CTNNA3: variants seen among roughly 807,000 people sequenced by gnomAD.
CTNNA3 encodes catenin alpha 3, also known as catenin alpha-3.
CTNNA3 carries 76 observed loss-of-function variants against 95.7 expected under a neutral mutation model. That is an observed-to-expected ratio of 0.79 (90% CI 0.66 to 0.96). CTNNA3 has a LOEUF of 0.96. CTNNA3 is among the 40% of genes least tolerant of loss of function. The pLI, the probability that CTNNA3 is intolerant of heterozygous loss-of-function variation, is 0.00. For synonymous variants in CTNNA3, 431 were observed against 374.4 expected (o/e 1.15, Z -1.74); for missense variants, 1,191 against 1,089.8 (o/e 1.09, Z -1.31).
chr10:65,996,617 C>T (rs2078666500), intron 15 of CTNNA3, among the ~76,000 whole-genome samples: 1 of 152,128 alleles, frequency 6.6e-6, no homozygotes, highest in South Asian at 2.1e-4. Flanking sequence ...TGGAGCGACG[C>T]CATTACACAC....
chr10:65,980,126 A>G (rs535836257), intron 16 of CTNNA3, among the ~76,000 whole-genome samples: 2 of 152,138 alleles, frequency 1.3e-5, no homozygotes, highest in African/African-American at 4.8e-5. Flanking sequence ...AAATTAAATT[A>G]GAACGAAATG....
At chr10:66,410,310 T>A (rs190595161) in intron 11 of CTNNA3, among the ~76,000 whole-genome samples, 72 of 152,300 alleles carry the variant, frequency 4.7e-4, no homozygotes, top group Non-Finnish European at 8.8e-5. Context: ...AGTATTCTAA[T>A]CTTCAGATAG....
At chr10:67,563,996 G>A (rs1442763533) in intron 3 of CTNNA3, among the ~76,000 whole-genome samples, 3 of 148,942 alleles carry the variant, frequency 2.0e-5, no homozygotes, top group Admixed American at 2.0e-4. Context: ...GGAAACAACA[G>A]GTGCTGGAGA....
intron 3 of CTNNA3, among the ~76,000 whole-genome samples, chr10:67,586,162 T>G (rs1842618578): frequency 6.6e-6 from 1 of 152,240 alleles, no homozygotes; most frequent in Admixed American, 6.5e-5. Context: ...GATTTCTAGT[T>G]CTATTCCACT....
chr10:66,104,174 A>T (rs942553640), intron 13 of CTNNA3, among the ~76,000 whole-genome samples: 2 of 152,172 alleles, frequency 1.3e-5, no homozygotes, highest in Non-Finnish European at 2.9e-5. Flanking sequence ...ATTTCAGCTT[A>T]AATGCCTCTT....
At chr10:67,289,917 A>G (rs546283775) in intron 5 of CTNNA3, among the ~76,000 whole-genome samples, 10 of 151,926 alleles carry the variant, frequency 6.6e-5, no homozygotes, top group Non-Finnish European at 2.9e-5. Context: ...TTCCCACCTC[A>G]GCCTCCCAAC....
chr10:67,683,883 T>C lies in CTNNA3; in HGVS notation c.-6+12117A>G, dbSNP rs1367222858. Among the ~76,000 whole-genome samples, 5 of 152,190 alleles carry C rather than the reference T, an allele frequency of 3.3e-5. No homozygotes were observed. In the East Asian group the frequency reaches 9.6e-4, roughly 29 times the overall value. ...AAGGCGGCATATCCGGAGTGGTTTGTTCCTCCCGATGGGTTCACGGTCTCG... is the reference window on the plus strand; with the variant it reads ...AAGGCGGCATATCCGGAGTGGTTTGCTCCTCCCGATGGGTTCACGGTCTCG... On this transcript the variant is annotated intron_variant, in intron 1 of 17. Coordinates refer to ENST00000433211, the MANE Select transcript of CTNNA3 (RefSeq NM_013266.4).
intron 15 of CTNNA3, among the ~76,000 whole-genome samples, chr10:66,045,752 C>G (rs1310413616): frequency 6.6e-6 from 1 of 151,620 alleles, no homozygotes; most frequent in Non-Finnish European, 1.5e-5. Flanking sequence ...TCCTTTTTTT[C>G]TTCTAGGCTA....
At chr10:66,944,376 C>T (rs920049620) in intron 7 of CTNNA3, among the ~76,000 whole-genome samples, 1 of 152,158 alleles carries the variant, frequency 6.6e-6, no homozygotes, top group Non-Finnish European at 1.5e-5. Flanking sequence ...TCCATCTTCA[C>T]ACTCCATCTC....
In CTNNA3 at chr10:65,975,121, G is replaced by T. The variant is rs1313008680; in HGVS notation, c.2266-8375C>A. Among the ~76,000 whole-genome samples, 8 of 152,182 alleles carry T rather than the reference G, an allele frequency of 5.3e-5. No individual in the cohort carries two copies. In the East Asian group the frequency reaches 1.5e-3, roughly 29 times the overall value. On this transcript the variant is annotated intron_variant, in intron 16 of 17. Transcript: ENST00000433211. Reference sequence around the variant, plus strand: ...GCACAAGATGAGAACACATTACCCTGAGTCAAAGTCGATAATAATCAACAA... The same window carrying T: ...GCACAAGATGAGAACACATTACCCTTAGTCAAAGTCGATAATAATCAACAA...
chr10:67,181,496 G>A (rs1862541644), intron 6 of CTNNA3, among the ~76,000 whole-genome samples: 1 of 152,108 alleles, frequency 6.6e-6, no homozygotes, highest in Non-Finnish European at 1.5e-5. Flanking sequence ...CCCTTAACAT[G>A]AAATGCAATC....
intron 1 of CTNNA3, among the ~76,000 whole-genome samples, chr10:67,755,802 C>CAAAA (rs201336788): frequency 2.4e-3 from 134 of 56,346 alleles, no homozygotes; most frequent in Admixed American, 3.8e-3. Context: ...GTCTCTGCCT[C>CAAAA]AAAAAAAAAA....
chr10:66,484,041 C>CT (rs1019356513), intron 11 of CTNNA3, among the ~76,000 whole-genome samples: 2 of 152,072 alleles, frequency 1.3e-5, no homozygotes, highest in African/African-American at 4.8e-5. Flanking sequence ...TAATATTACT[C>CT]TATTTTCCTT....
At chr10:66,082,208 A>T (rs535372626) in intron 14 of CTNNA3, among the ~76,000 whole-genome samples, 1 of 152,208 alleles carries the variant, frequency 6.6e-6, no homozygotes, top group African/African-American at 2.4e-5. Flanking sequence ...TTTCAGTGGA[A>T]AAAGCCAGCA....
intron 7 of CTNNA3, among the ~76,000 whole-genome samples, chr10:67,147,383 T>C (rs1186951569): frequency 2.0e-5 from 3 of 152,236 alleles, no homozygotes; most frequent in Admixed American, 1.3e-4. Flanking sequence ...GAGAATTAAA[T>C]GATGTATAAA....
chr10:66,069,325 C>T lies in CTNNA3; in HGVS notation c.2142G>A (p.Glu714=), dbSNP rs115972723. Residue 714 remains glutamate, a synonymous_variant, in exon 15 of 18, where the codon GAG becomes GAA. Transcript: ENST00000433211. ...LAKNMCMIMM[E]MTDFTRGKGP... ...ATAATTACCTAGTGAAGTCTGTCAT[C>T]TCCATCATGATCATACACATGTTCT... 838 of 1,613,384 alleles carry T rather than the reference C, an allele frequency of 5.2e-4. 7 individuals are homozygous for T. The African/African-American group carries it at 0.01, about 20-fold the overall frequency.
At chr10:67,479,044 A>C (rs1272962514) in intron 5 of CTNNA3, among the ~76,000 whole-genome samples, 1 of 152,220 alleles carries the variant, frequency 6.6e-6, no homozygotes, top group African/African-American at 2.4e-5. Context: ...GGTTTGATTC[A>C]ACAAGACTTA....
intron 13 of CTNNA3, among the ~76,000 whole-genome samples, chr10:66,105,010 T>G (rs1243695634): frequency 2.0e-5 from 3 of 152,340 alleles, no homozygotes; most frequent in Middle Eastern, 3.4e-3. Context: ...AACAGCACTT[T>G]CTTTGTTCTC....
chr10:67,042,701 A>AT (rs1361220303), intron 7 of CTNNA3, among the ~76,000 whole-genome samples: 5 of 152,100 alleles, frequency 3.3e-5, no homozygotes, highest in Non-Finnish European at 4.4e-5. Context: ...AGGAAAAAAA[A>AT]GAGGTGGTCA....
Sources: allele counts gnomAD v4.1 joint callset (sites outside exome capture counted in the v4.1 genomes callset), GRCh38; gene constraint gnomAD v4.1.1; transcripts MANE v1.5; gene names NCBI Gene and HGNC (gene_info 2026-07-23, HGNC 2026-07-21).